PM20D2: variants seen among roughly 807,000 people sequenced by gnomAD.
PM20D2 encodes peptidase M20 domain containing 2, also known as xaa-Arg dipeptidase.
PM20D2 carries 33 observed loss-of-function variants against 42.9 expected under a neutral mutation model. The observed-to-expected ratio is 0.77, with a 90% CI of 0.58 to 1.03. The LOEUF (loss-of-function observed/expected upper bound fraction) is 1.03. PM20D2 is among the 50% of genes least tolerant of loss of function. PM20D2 has a pLI of 0.00. For missense variants in PM20D2, 548 were observed against 557.0 expected (o/e 0.98, Z 0.16); for synonymous variants, 250 against 228.2 (o/e 1.10, Z -0.86).
At chr6:89,153,287 T>C (rs1770916127) in intron 3 of PM20D2, 102 bp downstream of exon 3, 1 of 892,620 alleles carries the variant, frequency 1.1e-6, no homozygotes. Context: ...AATATTTTTG[T>C]ACTTCATATG....
chr6:89,161,605 C>G (rs1771238513), intron 5 of PM20D2, among the ~76,000 whole-genome samples, 178 bp from the exon 6 acceptor site: 1 of 152,076 alleles, frequency 6.6e-6, no homozygotes, highest in African/African-American at 2.4e-5. Flanking sequence ...GTGACTGATA[C>G]AGGGGAGTGG....
chr6:89,164,952 A>G lies in PM20D2; in HGVS notation c.*2689A>G, dbSNP rs969908282. On this transcript the variant is annotated 3_prime_UTR_variant, in exon 7 of 7. Coordinates refer to ENST00000275072, the MANE Select transcript of PM20D2 (RefSeq NM_001010853.3). Reference sequence around the variant, plus strand: ...AAAAAAAAAAAAAAAAGAAAAGAAAAGACACTGTTGCATGCCCCAGAAAGC... The same window carrying G: ...AAAAAAAAAAAAAAAAGAAAAGAAAGGACACTGTTGCATGCCCCAGAAAGC... The G allele has an allele frequency of 4.6e-5, 7 of 151,484 alleles. No individual in the cohort carries two copies. Among genetic ancestry groups the G allele is most frequent in the African/African-American group, 1.7e-4 (7 of 41,284 alleles). 9.4% of individuals were successfully genotyped at this position (151,484 alleles called of 1,614,324 possible).
At chr6:89,097,601 G>A in the PM20D2 span, 34,643 of 151,710 alleles carry the variant, frequency 0.23, 4,740 homozygotes, top group East Asian at 0.68. Flanking sequence ...CAATCTGCCC[G>A]CCTCGACCTC....
At chr6:89,147,413 T>G (rs1181172703) in intron 1 of PM20D2, among the ~76,000 whole-genome samples, 2 of 152,196 alleles carry the variant, frequency 1.3e-5, no homozygotes, top group East Asian at 3.8e-4. Context: ...GTCAGTAACC[T>G]TCCTCTTTTA....
At chr6:89,159,699 CA>C (rs1771170016) in intron 5 of PM20D2, among the ~76,000 whole-genome samples, 1 of 152,128 alleles carries the variant, frequency 6.6e-6, no homozygotes, top group Non-Finnish European at 1.5e-5. Flanking sequence ...GGAAGGAGGT[CA>C]GGGAGTTCAG....
chr6:89,136,223 TG>T, the PM20D2 span, among the ~76,000 whole-genome samples: 10 of 151,134 alleles, frequency 6.6e-5, no homozygotes, highest in Non-Finnish European at 1.0e-4. Flanking sequence ...GTTAGATCGG[TG>T]TTCCCAAGTA....
chr6:89,130,450 C>G, the PM20D2 span, among the ~76,000 whole-genome samples: 15 of 151,980 alleles, frequency 9.9e-5, no homozygotes, highest in Non-Finnish European at 1.9e-4. Flanking sequence ...AATATGTGTG[C>G]AATTTGATGA....
At chr6:89,102,932 T>A in the PM20D2 span, among the ~76,000 whole-genome samples, 1 of 152,074 alleles carries the variant, frequency 6.6e-6, no homozygotes, top group East Asian at 1.9e-4. Context: ...GTGGCTAATT[T>A]TTTTTAGTTT....
At chr6:89,119,694 G>T in the PM20D2 span, among the ~76,000 whole-genome samples, 107 of 152,308 alleles carry the variant, frequency 7.0e-4, 1 homozygote, top group African/African-American at 2.5e-3. Flanking sequence ...AGGCACTCTA[G>T]GGGAATCCTC....
the PM20D2 span, among the ~76,000 whole-genome samples, chr6:89,125,078 G>GT: frequency 3.5e-4 from 54 of 152,212 alleles, no homozygotes; most frequent in African/African-American, 1.3e-3. Context: ...TCAGATTTGT[G>GT]TTTAATAAGG....
the PM20D2 span, among the ~76,000 whole-genome samples, chr6:89,111,675 G>A: frequency 5.3e-5 from 8 of 152,032 alleles, no homozygotes; most frequent in Non-Finnish European, 8.8e-5. Context: ...GCAATAAAAC[G>A]TTGGCGGTTG....
chr6:89,128,121 G>C, the PM20D2 span, among the ~76,000 whole-genome samples: 1 of 152,166 alleles, frequency 6.6e-6, no homozygotes, highest in Non-Finnish European at 1.5e-5. Context: ...TGCCTGCTGG[G>C]TCAGGCAAAA....
At chr6:89,151,652 C>A (rs1289265034) in intron 2 of PM20D2, among the ~76,000 whole-genome samples, 1 of 152,138 alleles carries the variant, frequency 6.6e-6, no homozygotes, top group Non-Finnish European at 1.5e-5. Context: ...TAAATAGAAT[C>A]CTGTATAAAT....
the PM20D2 span, among the ~76,000 whole-genome samples, chr6:89,133,063 G>A: frequency 6.7e-6 from 1 of 149,828 alleles, no homozygotes; most frequent in Non-Finnish European, 1.5e-5. Flanking sequence ...TTCTACCAAA[G>A]AAATTTTTTT....
chr6:89,129,591 T>A, the PM20D2 span, among the ~76,000 whole-genome samples: 4 of 140,572 alleles, frequency 2.8e-5, no homozygotes, highest in Non-Finnish European at 6.1e-5. Context: ...GTTTCTAATT[T>A]TTTTTTTTTT....
At chr6:89,111,518 C>A in the PM20D2 span, among the ~76,000 whole-genome samples, 1 of 152,132 alleles carries the variant, frequency 6.6e-6, no homozygotes, top group African/African-American at 2.4e-5. Flanking sequence ...TCATAACTTA[C>A]TAAACTTATT....
the PM20D2 span, among the ~76,000 whole-genome samples, chr6:89,109,352 C>T: frequency 1.3e-5 from 2 of 152,164 alleles, no homozygotes; most frequent in Admixed American, 1.3e-4. Context: ...AATGTAGCTG[C>T]TGGGCACACA....
chr6:89,137,629 T>C, the PM20D2 span, among the ~76,000 whole-genome samples: 9 of 152,242 alleles, frequency 5.9e-5, no homozygotes, highest in Non-Finnish European at 1.2e-4. Context: ...TTAAACTTAC[T>C]TCACCTTCAC....
rs909117173 is a variant in PM20D2, at chr6:89,146,427, G to C, written c.283G>C (p.Glu95Gln). The change falls in exon 1 of 7, where the codon GAG becomes CAG. Residue 95 changes from glutamate to glutamine, a missense_variant. Transcript: ENST00000275072. ...CTTCCGCGCCGAGTGGGAGCCGCCG[G>C]AGGCCCGGGCACCGAGCGCCACGCC... ...TAFRAEWEPP[E>Q]ARAPSATPRP... 5.3e-6 allele frequency: 8 copies of C among 1,523,692 alleles called. No homozygotes were observed. The highest frequency in any genetic ancestry group is 7.0e-6 in the Non-Finnish European group (8 of 1,142,792). The allele number at this position is 1,523,692 out of a possible 1,614,324, so 94.4% of individuals were successfully genotyped here.
Sources: gnomAD v4.1 joint callset for allele counts (sites outside exome capture counted in the v4.1 genomes callset) on GRCh38, gnomAD v4.1.1 for gene constraint, MANE v1.5 for transcripts, NCBI Gene and HGNC (gene_info 2026-07-23, HGNC 2026-07-21) for gene names.